The following ANO6 variants were observed in gnomAD, a reference collection of about 807,000 sequenced individuals.
The protein encoded by ANO6 is anoctamin-6.
A neutral mutation model predicts 117.5 loss-of-function variants in ANO6; 106 were observed. The observed-to-expected ratio is 0.90, with a 90% CI of 0.77 to 1.06. The LOEUF is 1.06. Ranked by LOEUF, ANO6 falls within the 50% of genes least tolerant of loss-of-function variation. ANO6 has a pLI of 0.00. For synonymous variants in ANO6, 367 were observed against 385.1 expected, an observed-to-expected ratio of 0.95 and a Z score of 0.55; for missense variants, 955 against 1,121.1, an observed-to-expected ratio of 0.85 and a Z score of 2.12.
At chr12:45,433,408 C>T (rs894172927), downstream of ANO6, among the ~76,000 whole-genome samples, 2 of 152,180 alleles carry the variant, frequency 1.3e-5, no homozygotes, top group Non-Finnish European at 1.5e-5. Flanking sequence ...GACAAATACT[C>T]GAGTGCATTA....
chr12:45,227,396 G>T (rs1027458146), intron 1 of ANO6, among the ~76,000 whole-genome samples: 2 of 152,068 alleles, frequency 1.3e-5, no homozygotes, highest in African/African-American at 4.8e-5. Flanking sequence ...AAAGTCTTAC[G>T]GTCAGATGAC....
At chr12:45,394,938 G>A (rs1378489040) in intron 12 of ANO6, among the ~76,000 whole-genome samples, 1 of 152,150 alleles carries the variant, frequency 6.6e-6, no homozygotes, top group Non-Finnish European at 1.5e-5. Context: ...AAAAGAACTA[G>A]AGAAGCAAGA....
At chr12:45,346,528 T>C (rs1181967053) in intron 3 of ANO6, among the ~76,000 whole-genome samples, 1 of 152,200 alleles carries the variant, frequency 6.6e-6, no homozygotes, top group Non-Finnish European at 1.5e-5. Context: ...CCTGTGTTGT[T>C]TTATTGAATT....
chr12:45,308,048 A>ATTTT (rs1218638312), intron 2 of ANO6, among the ~76,000 whole-genome samples: 799 of 69,242 alleles, frequency 0.012, 161 homozygotes, highest in Middle Eastern at 0.048. Flanking sequence ...TGTGTGTGTA[A>ATTTT]TTTTTTTTTT....
intron 2 of ANO6, among the ~76,000 whole-genome samples, chr12:45,311,696 C>T (rs531922013): frequency 6.6e-6 from 1 of 152,082 alleles, no homozygotes; most frequent in African/African-American, 2.4e-5. Context: ...AATTAAAATA[C>T]CTCACACCTT....
At chr12:45,247,623 T>C (rs1368700131) in intron 1 of ANO6, among the ~76,000 whole-genome samples, 1 of 152,060 alleles carries the variant, frequency 6.6e-6, no homozygotes, top group African/African-American at 2.4e-5. Flanking sequence ...AGGCTGGGAG[T>C]CTGGGATTAG....
intron 17 of ANO6, among the ~76,000 whole-genome samples, chr12:45,418,913 A>G (rs1436139566): frequency 1.3e-5 from 2 of 152,264 alleles, no homozygotes; most frequent in African/African-American, 2.4e-5. Flanking sequence ...TGGCAGTTAT[A>G]CATCCACATA....
At chr12:45,372,330 G>A (rs1210180451) in intron 9 of ANO6, among the ~76,000 whole-genome samples, 3 of 135,696 alleles carry the variant, frequency 2.2e-5, no homozygotes, top group Non-Finnish European at 4.7e-5. Flanking sequence ...AGCAAGGCAG[G>A]CCAACGTTCA....
At chr12:45,433,724 T>C (rs11183034), downstream of ANO6, among the ~76,000 whole-genome samples, 15,442 of 152,172 alleles carry the variant, frequency 0.1, 1,052 homozygotes, top group East Asian at 0.35. Flanking sequence ...AGGAGTTTGA[T>C]AGCAGTTCTC....
rs1490835953 is a variant in ANO6 at position 45,346,980 on chromosome 12, G to T, written c.280-42G>T. The stretch of plus-strand genomic sequence containing the variant: ...TAAAAAATGCCTTTTTCTGCCTTTG[G>T]TAAACTAAAGGTCTAACATATATTC... On this transcript the variant is annotated intron_variant, in intron 3 of 19. Transcript: ENST00000320560. 1.9e-6 allele frequency: 3 copies of T among 1,598,556 alleles called. No homozygotes were observed. In the South Asian group the frequency reaches 3.3e-5, roughly 18 times the overall value.
chr12:45,401,768 A>G (rs1450066390), intron 12 of ANO6, 27 bp from the exon 13 acceptor site: 5 of 1,580,254 alleles, frequency 3.2e-6, no homozygotes, highest in Non-Finnish European at 3.5e-6. Flanking sequence ...GGTGAGTCTC[A>G]TGCTACTGTG....
At chr12:45,368,284 A>C (rs1451670456) in intron 9 of ANO6, among the ~76,000 whole-genome samples, 1 of 152,176 alleles carries the variant, frequency 6.6e-6, no homozygotes, top group Non-Finnish European at 1.5e-5. Flanking sequence ...GTACTCAAAA[A>C]GCTTTGGATT....
chr12:45,330,133 A>G (rs1041448665), intron 2 of ANO6, among the ~76,000 whole-genome samples: 2 of 152,136 alleles, frequency 1.3e-5, no homozygotes, highest in African/African-American at 4.8e-5. Context: ...AGCAGCATTC[A>G]TTCTGCTGGT....
At chr12:45,424,896 C>A (rs569000519) in intron 19 of ANO6, among the ~76,000 whole-genome samples, 1 of 151,826 alleles carries the variant, frequency 6.6e-6, no homozygotes, top group Non-Finnish European at 1.5e-5. Flanking sequence ...TCAGATCAAG[C>A]TAATCAAATA....
intron 16 of ANO6, among the ~76,000 whole-genome samples, chr12:45,416,436 G>C (rs1459319112): frequency 6.6e-6 from 1 of 152,106 alleles, no homozygotes; most frequent in East Asian, 1.9e-4. Flanking sequence ...AATAATTCTG[G>C]TTGACTAAAG....
chr12:45,414,877 C>T (rs541670140), intron 16 of ANO6, among the ~76,000 whole-genome samples: 4 of 152,316 alleles, frequency 2.6e-5, no homozygotes, highest in Admixed American at 2.0e-4. Flanking sequence ...AATCCTCCCA[C>T]CTCATCCTCC....
At chr12:45,376,771 G>A (rs1942034385) in intron 9 of ANO6, among the ~76,000 whole-genome samples, 1 of 151,296 alleles carries the variant, frequency 6.6e-6, no homozygotes, top group South Asian at 2.1e-4. Flanking sequence ...GTTAGTGGGT[G>A]CAGCGCACCA....
chr12:45,280,899 A>G (rs1194567113), intron 1 of ANO6, among the ~76,000 whole-genome samples: 1 of 145,800 alleles, frequency 6.9e-6, no homozygotes, highest in African/African-American at 2.5e-5. Flanking sequence ...GAGAGAGAAT[A>G]TATGTATATT....
At position 45,294,186 on chromosome 12, in the gene ANO6, G is replaced by T. The variant is rs543974246; in HGVS notation, c.71-7828G>T. 1.2e-4 allele frequency among the ~76,000 whole-genome samples: 18 copies of T among 152,220 alleles called. No homozygotes were observed. In the South Asian group the frequency reaches 3.5e-3, roughly 30 times the overall value. ...GAAGGAAAGAGAAAGGTCAAGAATG[G>T]CTCCCGCTTTTGGATTGGGGAATTG... is the stretch of plus-strand genomic sequence containing the variant. On this transcript the variant is annotated intron_variant, in intron 1 of 19. Transcript: ENST00000320560.
Sources: gnomAD v4.1 joint callset for allele counts (sites outside exome capture counted in the v4.1 genomes callset) on GRCh38, gnomAD v4.1.1 for gene constraint, MANE v1.5 for transcripts, NCBI Gene and HGNC (gene_info 2026-07-23, HGNC 2026-07-21) for gene names.